Variants in ABCC1 observed in about 807,000 individuals in gnomAD.
The protein encoded by ABCC1 is ATP binding cassette subfamily C member 1 (ABCC1 blood group), also known as multidrug resistance-associated protein 1.
A neutral mutation model predicts 172.9 loss-of-function variants in ABCC1; 83 were observed. The ratio of observed to expected loss-of-function variants is 0.48; its 90% confidence interval spans 0.40 to 0.58. ABCC1 has a LOEUF of 0.58. ABCC1 is among the 20% of genes least tolerant of loss of function. The pLI is 0.00. For missense variants in ABCC1, 1,817 were observed against 2,002.7 expected (o/e 0.91, Z 1.77); for synonymous variants, 937 against 825.2 (o/e 1.14, Z -2.32).
intron 30 of ABCC1, 133 bp from the exon 31 acceptor site, chr16:16,141,040 G>A: frequency 7.3e-6 from 5 of 686,922 alleles, no homozygotes; most frequent in South Asian, 5.3e-5. Context: ...CCAGCTGGAA[G>A]GTACTGCACC....
At chr16:16,007,648 T>C (rs547540395) in intron 1 of ABCC1, among the ~76,000 whole-genome samples, 168 bp from the exon 2 acceptor site, 1 of 152,288 alleles carries the variant, frequency 6.6e-6, no homozygotes, top group South Asian at 2.1e-4. Context: ...TCTTAGTCTT[T>C]CTGGCTACTG....
At chr16:16,025,162 T>C (rs2048329444) in intron 5 of ABCC1, among the ~76,000 whole-genome samples, 2 of 152,160 alleles carry the variant, frequency 1.3e-5, no homozygotes, top group Admixed American at 1.3e-4. Context: ...TACGTTATAC[T>C]GGCAAATCTC....
chr16:16,040,064 T>TTGTA (rs10543561), intron 7 of ABCC1, among the ~76,000 whole-genome samples: 19,392 of 134,716 alleles, frequency 0.14, 1,357 homozygotes, highest in South Asian at 0.19. Flanking sequence ...GTTTGTTTGT[T>TTGTA]TGTATGTATG....
chr16:15,975,697 C>T lies in ABCC1; in HGVS notation c.48+25898C>T, dbSNP rs143125353. Among the ~76,000 whole-genome samples the T allele has an allele frequency of 4.3e-3, 659 of 151,944 alleles. 6 individuals carry two copies. Among genetic ancestry groups the T allele is most frequent in the African/African-American group, 0.015 (627 of 41,468 alleles). On this transcript the variant is annotated intron_variant, in intron 1 of 30. Transcript: ENST00000399410. ...TCAGCTTCCTGAGTAGCTGGGATTA[C>T]AGGCATGCGCCACCATCTCTGGCTA...
intron 21 of ABCC1, among the ~76,000 whole-genome samples, chr16:16,110,396 T>A (rs759368555): frequency 4.6e-5 from 7 of 151,924 alleles, no homozygotes; most frequent in Admixed American, 2.6e-4. Context: ...CTCTTTATTT[T>A]TTTTTATTTT....
At chr16:15,968,492 T>A (rs2046296936) in intron 1 of ABCC1, among the ~76,000 whole-genome samples, 1 of 152,044 alleles carries the variant, frequency 6.6e-6, no homozygotes, top group African/African-American at 2.4e-5. Flanking sequence ...CACTGCAGCC[T>A]TCACCTGCCG....
rs45583833 is a variant in ABCC1 at position 16,090,192 on chromosome 16, G to A, written c.2461-213G>A. Reference sequence around the variant, plus strand: ...CAGCTTTTAGCTCAGCACCTGAGGCGTGGCAGGCCCTTTGCACATGCATGT... The same window carrying A: ...CAGCTTTTAGCTCAGCACCTGAGGCATGGCAGGCCCTTTGCACATGCATGT... On this transcript the variant is annotated intron_variant, in intron 18 of 30. Coordinates refer to ENST00000399410, the MANE Select transcript of ABCC1 (RefSeq NM_004996.4). Among the ~76,000 whole-genome samples the A allele has an allele frequency of 5.3e-3, 804 of 152,278 alleles. 11 individuals are homozygous for A. The highest frequency in any genetic ancestry group is 0.018 in the African/African-American group (760 of 41,552).
chr16:16,108,589 A>G (rs1264932112), intron 21 of ABCC1, among the ~76,000 whole-genome samples: 1 of 127,818 alleles, frequency 7.8e-6, no homozygotes, highest in Non-Finnish European at 1.7e-5. Context: ...TTTTTTTTTT[A>G]ATTTGTTTTC....
intron 1 of ABCC1, among the ~76,000 whole-genome samples, chr16:15,973,019 T>C (rs2046403998): frequency 6.6e-6 from 1 of 152,040 alleles, no homozygotes; most frequent in African/African-American, 2.4e-5. Flanking sequence ...GCTCTTGAAC[T>C]TGTGAGTTCA....
chr16:16,009,633 G>A, intron 2 of ABCC1, 143 bp from the exon 3 acceptor site: 1 of 825,790 alleles, frequency 1.2e-6, no homozygotes, highest in South Asian at 2.7e-5. Context: ...TTATTCCAGT[G>A]GATATGTGCC....
chr16:15,991,300 G>A (rs1404077515), intron 1 of ABCC1, among the ~76,000 whole-genome samples: 2 of 151,856 alleles, frequency 1.3e-5, no homozygotes, highest in African/African-American at 2.4e-5. Context: ...GGTGCGGGGG[G>A]CTATGGGTAT....
intron 12 of ABCC1, among the ~76,000 whole-genome samples, chr16:16,061,678 T>G (rs2151932563): frequency 6.6e-6 from 1 of 152,344 alleles, no homozygotes; most frequent in South Asian, 2.1e-4. Context: ...TACATGTAGT[T>G]ATGGTTACTT....
intron 3 of ABCC1, among the ~76,000 whole-genome samples, chr16:16,010,681 C>T (rs1160278821): frequency 6.6e-6 from 1 of 152,180 alleles, no homozygotes; most frequent in Non-Finnish European, 1.5e-5. Flanking sequence ...ATGTACCTGG[C>T]AGTATTCTTG....
chr16:15,957,356 G>C (rs1319683335), intron 1 of ABCC1, among the ~76,000 whole-genome samples: 2 of 151,742 alleles, frequency 1.3e-5, no homozygotes, highest in African/African-American at 2.4e-5. Flanking sequence ...AAAGTGCTGG[G>C]ATTATAGGTG....
In ABCC1 at chr16:15,999,836, C is replaced by CTCTCTCTTTCTTTCTTTCTTTCTTTCTT; in HGVS notation, c.49-7977_49-7976insCTCTTTCTTTCTTTCTTTCTTTCTTTCT. 3.6e-4 allele frequency among the ~76,000 whole-genome samples: 6 copies of CTCTCTCTTTCTTTCTTTCTTTCTTTCTT among 16,852 alleles called. No individual in the cohort carries two copies. In the East Asian group the frequency reaches 5.7e-3, roughly 16 times the overall value. The allele number at this position is 16,852 out of a possible 152,430, so 11.1% of individuals were successfully genotyped here. A position where few individuals can be genotyped will look rare whatever the true frequency, so the allele number is the denominator to read the frequency against. ...TCTCTCTCTCTCTCTCTCTCTCTGT[C>CTCTCTCTTTCTTTCTTTCTTTCTTTCTT]TCTTTCTTTCTTTCTTTCTTTCTTT... On this transcript the variant is annotated intron_variant, in intron 1 of 30. Transcript: ENST00000399410.
At chr16:16,046,211 C>T (rs1032723996) in intron 9 of ABCC1, among the ~76,000 whole-genome samples, 198 bp downstream of exon 9, 5 of 152,004 alleles carry the variant, frequency 3.3e-5, no homozygotes, top group Non-Finnish European at 7.4e-5. Flanking sequence ...CAAGGGTGGG[C>T]GTGTAGATGT....
At chr16:16,011,373 C>T (rs2047778849) in intron 3 of ABCC1, among the ~76,000 whole-genome samples, 1 of 151,980 alleles carries the variant, frequency 6.6e-6, no homozygotes, top group South Asian at 2.1e-4. Context: ...TGAAGGAACA[C>T]GGTGTGAAGG....
intron 26 of ABCC1, among the ~76,000 whole-genome samples, chr16:16,131,541 G>T (rs2045672210): frequency 6.6e-6 from 1 of 152,188 alleles, no homozygotes; most frequent in Non-Finnish European, 1.5e-5. Flanking sequence ...GCAGTGCCCT[G>T]AAGGAGAAGG....
At chr16:15,999,205 C>T (rs1271526575) in intron 1 of ABCC1, among the ~76,000 whole-genome samples, 2 of 152,042 alleles carry the variant, frequency 1.3e-5, no homozygotes, top group East Asian at 3.9e-4. Context: ...CAGGGTTTCA[C>T]CGTGTTAGCC....
Sources: gnomAD v4.1 joint callset for allele counts (sites outside exome capture counted in the v4.1 genomes callset) on GRCh38, gnomAD v4.1.1 for gene constraint, MANE v1.5 for transcripts, NCBI Gene and HGNC (gene_info 2026-07-23, HGNC 2026-07-21) for gene names.